ALMS1: variants seen among roughly 807,000 people sequenced by gnomAD.
The protein encoded by ALMS1 is centrosome-associated protein ALMS1.
ALMS1 carries 271 observed loss-of-function variants against 352.2 expected under a neutral mutation model. The ratio of observed to expected loss-of-function variants is 0.77; its 90% confidence interval spans 0.70 to 0.85. The LOEUF (loss-of-function observed/expected upper bound fraction) is 0.85. Among genes scored for constraint, ALMS1 ranks in the 40% least tolerant of loss-of-function variants. The pLI is 0.00. For missense variants in ALMS1, 5,445 were observed against 4,870.7 expected, an observed-to-expected ratio of 1.12 and a Z score of -3.51; for synonymous variants, 1,865 against 1,761.2, an observed-to-expected ratio of 1.06 and a Z score of -1.48.
Position 73,452,476 on chromosome 2 carries a change from A to C in ALMS1, c.5949A>C (p.Gly1983=). The change falls in exon 8 of 23, where the codon GGA becomes GGC. Residue 1983 remains glycine (G), a synonymous_variant. Transcript: ENST00000613296. ...AGCAGAAGACTGGGATACCAATAGG[A>C]CTGTCTAGTTCCTACTCACATTCAC... ...PAEQKTGIPI[G]LSSSYSHSHK... 6.2e-7 allele frequency: 1 copy of C among 1,614,078 alleles called. No individual in the cohort carries two copies. Among genetic ancestry groups the C allele is most frequent in the Non-Finnish European group, 8.5e-7 (1 of 1,180,014 alleles).
At chr2:73,574,671 G>C (rs913557160) in intron 16 of ALMS1, among the ~76,000 whole-genome samples, 10 of 152,226 alleles carry the variant, frequency 6.6e-5, no homozygotes, top group Middle Eastern at 3.4e-3. Context: ...TCTAAAGTAA[G>C]TGAAGAATTG....
At chr2:73,498,180 T>C (rs1214792263) in intron 10 of ALMS1, among the ~76,000 whole-genome samples, 1 of 152,182 alleles carries the variant, frequency 6.6e-6, no homozygotes, top group East Asian at 1.9e-4. Context: ...TTTTTGCTGG[T>C]GGCAGTCTTA....
intron 16 of ALMS1, among the ~76,000 whole-genome samples, chr2:73,577,159 TA>T (rs1417741552): frequency 6.6e-6 from 1 of 152,192 alleles, no homozygotes; most frequent in African/African-American, 2.4e-5. Flanking sequence ...ACTGGCCTTA[TA>T]GAATGAGAAA....
At chr2:73,508,163 C>CTTTCCTTTCT (rs1558674333) in intron 10 of ALMS1, among the ~76,000 whole-genome samples, 1 of 127,170 alleles carries the variant, frequency 7.9e-6, no homozygotes, top group Non-Finnish European at 1.7e-5. Flanking sequence ...CTTTCCTTTC[C>CTTTCCTTTCT]TTTCTTTTCT....
intron 13 of ALMS1, among the ~76,000 whole-genome samples, chr2:73,551,518 C>A (rs1573014149): frequency 6.9e-6 from 1 of 145,022 alleles, no homozygotes; most frequent in Non-Finnish European, 1.5e-5. Flanking sequence ...CACACTGCAA[C>A]CTTCACCTCC....
intron 20 of ALMS1, 123 bp from the exon 21 acceptor site, chr2:73,603,118 C>A: frequency 1.2e-6 from 1 of 862,116 alleles, no homozygotes; most frequent in Non-Finnish European, 1.9e-6. Flanking sequence ...TCATTGCTCC[C>A]CACTCAGTCT....
chr2:73,434,650 C>A (rs1671572768), intron 7 of ALMS1, among the ~76,000 whole-genome samples: 1 of 152,306 alleles, frequency 6.6e-6, no homozygotes, highest in Middle Eastern at 3.4e-3. Flanking sequence ...TTCTGACTAG[C>A]TGTTTTCTCC....
intron 9 of ALMS1, among the ~76,000 whole-genome samples, chr2:73,467,061 A>G (rs1346892628): frequency 6.6e-6 from 1 of 151,864 alleles, no homozygotes; most frequent in African/African-American, 2.4e-5. Context: ...GTTTCTTGAA[A>G]ATCTCTTCAT....
In ALMS1 at chr2:73,455,266, G is replaced by C. The variant is rs1672036037; in HGVS notation, c.7645G>C (p.Gly2549Arg). The stretch of plus-strand genomic sequence containing the variant: ...AGAAGAGATCAAGGCAGAGTTATTT[G>C]GTCATGGAAGAACAACTGACTTGTC... ...KVEEIKAELF[G>R]HGRTTDLSKG... The change falls in exon 9 of 23, where the codon GGT becomes CGT. Residue 2549 changes from glycine (G) to arginine (R), a missense_variant. Gly to Arg is a moderately radical substitution (Grantham distance 125, BLOSUM62 -2). Coordinates refer to ENST00000613296, the MANE Select transcript of ALMS1 (RefSeq NM_001378454.1). The C allele has an allele frequency of 6.2e-7, 1 of 1,614,062 alleles. No homozygotes were observed. The highest frequency in any genetic ancestry group is 8.5e-7 in the Non-Finnish European group (1 of 1,179,970).
rs184521705 is a variant in ALMS1, at chr2:73,499,333, T to G, written c.9539+7835T>G. 2.0e-5 allele frequency among the ~76,000 whole-genome samples: 3 copies of G among 152,292 alleles called. No homozygotes were observed. In the East Asian group the frequency reaches 5.8e-4, roughly 29 times the overall value. ...TCACTTTATTGATTGTACCCTTTGC[T>G]GTAAAGAAGCTTTTTAATTTGATGT... On this transcript the variant is annotated intron_variant, in intron 10 of 22. Transcript: ENST00000613296.
chr2:73,414,486 TTTG>T (rs1437965497), intron 2 of ALMS1, among the ~76,000 whole-genome samples: 137 of 45,040 alleles, frequency 3.0e-3, no homozygotes, highest in Admixed American at 4.9e-3. Flanking sequence ...TTTTTTTTTT[TTTG>T]TTTTTTTTTT....
chr2:73,488,418 C>T (rs1377283733), intron 9 of ALMS1, among the ~76,000 whole-genome samples: 1 of 152,204 alleles, frequency 6.6e-6, no homozygotes, highest in Non-Finnish European at 1.5e-5. Context: ...AGAGGCCTGG[C>T]AGTGGGAGCA....
At chr2:73,393,708 T>G (rs1465809054) in intron 1 of ALMS1, among the ~76,000 whole-genome samples, 1 of 152,256 alleles carries the variant, frequency 6.6e-6, no homozygotes, top group Non-Finnish European at 1.5e-5. Flanking sequence ...CCCCATTGAT[T>G]GGTCTTAGTA....
chr2:73,550,508 A>G (rs941548351), intron 13 of ALMS1, 71 bp downstream of exon 13: 6 of 1,569,394 alleles, frequency 3.8e-6, no homozygotes, highest in African/African-American at 2.7e-5. Context: ...TTACTATCCA[A>G]TCTTTATCCT....
intron 16 of ALMS1, among the ~76,000 whole-genome samples, chr2:73,594,996 A>G (rs1675515683): frequency 6.6e-6 from 1 of 152,166 alleles, no homozygotes; most frequent in African/African-American, 2.4e-5. Context: ...TGACTGGACC[A>G]TGTCTGTGGC....
chr2:73,609,535 T>C (rs767114724), intron 22 of ALMS1, 33 bp from the exon 23 acceptor site: 4 of 1,611,900 alleles, frequency 2.5e-6, no homozygotes, highest in South Asian at 1.1e-5. Context: ...CAGTAATATC[T>C]AACTTCTTTC....
intron 16 of ALMS1, among the ~76,000 whole-genome samples, chr2:73,592,736 T>C (rs937215862): frequency 1.3e-5 from 2 of 152,166 alleles, no homozygotes; most frequent in African/African-American, 4.8e-5. Flanking sequence ...ACCTAACAAG[T>C]AATTTTTTAA....
At chr2:73,485,603 C>T (rs1558664771) in intron 9 of ALMS1, among the ~76,000 whole-genome samples, 2 of 152,236 alleles carry the variant, frequency 1.3e-5, no homozygotes, top group Non-Finnish European at 2.9e-5. Flanking sequence ...GGGCTCCACC[C>T]AGTTCGAGCT....
At chr2:73,581,686 G>A (rs1000617224) in intron 16 of ALMS1, among the ~76,000 whole-genome samples, 29 of 151,846 alleles carry the variant, frequency 1.9e-4, no homozygotes, top group African/African-American at 5.8e-4. Flanking sequence ...TTTGCTTGTC[G>A]TTCCCAGGTG....
Sources: allele counts gnomAD v4.1 joint callset (sites outside exome capture counted in the v4.1 genomes callset), GRCh38; gene constraint gnomAD v4.1.1; transcripts MANE v1.5; gene names NCBI Gene and HGNC (gene_info 2026-07-23, HGNC 2026-07-21).